The following PPP1R9A variants were observed in gnomAD, a reference collection of about 807,000 sequenced individuals.
PPP1R9A encodes neurabin-1.
A neutral mutation model predicts 141.9 loss-of-function variants in PPP1R9A; 59 were observed. The observed-to-expected ratio is 0.42, with a 90% CI of 0.34 to 0.52. The LOEUF (loss-of-function observed/expected upper bound fraction) is 0.52. Among genes scored for constraint, PPP1R9A ranks in the 20% least tolerant of loss-of-function variants. PPP1R9A has a pLI of 0.10. For synonymous variants in PPP1R9A, 500 were observed against 569.7 expected (o/e 0.88, Z 1.74); for missense variants, 1,444 against 1,611.9 (o/e 0.90, Z 1.78).
chr7:95,163,983 C>T (rs1050665593), intron 5 of PPP1R9A, among the ~76,000 whole-genome samples: 3 of 152,172 alleles, frequency 2.0e-5, no homozygotes, highest in Admixed American at 6.5e-5. Flanking sequence ...GGTAATCCAC[C>T]CACCTTAGCC....
chr7:95,153,236 T>G (rs984667556), intron 4 of PPP1R9A, among the ~76,000 whole-genome samples: 1 of 152,164 alleles, frequency 6.6e-6, no homozygotes, highest in Non-Finnish European at 1.5e-5. Context: ...CATCGTAACA[T>G]TTTAAGGTAA....
chr7:95,257,256 A>G (rs1275812597), intron 12 of PPP1R9A, among the ~76,000 whole-genome samples: 4 of 152,178 alleles, frequency 2.6e-5, no homozygotes, highest in Non-Finnish European at 5.9e-5. Flanking sequence ...CAAGTGGTCT[A>G]ATATGCAGAA....
At chr7:95,043,227 T>G (rs1483637405) in intron 2 of PPP1R9A, among the ~76,000 whole-genome samples, 1 of 152,216 alleles carries the variant, frequency 6.6e-6, no homozygotes. Context: ...GGTATGCCTA[T>G]GCTATGGGGT....
chr7:95,253,476 C>T (rs1799164209), intron 12 of PPP1R9A, among the ~76,000 whole-genome samples: 1 of 152,114 alleles, frequency 6.6e-6, no homozygotes, highest in Non-Finnish European at 1.5e-5. Flanking sequence ...GGGTTTATAT[C>T]CTTCTAATGG....
intron 6 of PPP1R9A, chr7:95,202,532 TTC>T: frequency 1.5e-5 from 11 of 755,992 alleles, no homozygotes; most frequent in Non-Finnish European, 1.8e-5. Flanking sequence ...TGTTTTTTTT[TTC>T]TTTCTTTCTC....
At chr7:95,063,475 G>GA (rs1325232509) in intron 2 of PPP1R9A, among the ~76,000 whole-genome samples, 1 of 152,106 alleles carries the variant, frequency 6.6e-6, no homozygotes, top group Non-Finnish European at 1.5e-5. Context: ...TGAGACAAGA[G>GA]AATCACTTGA....
chr7:95,193,844 C>T (rs771765094), intron 5 of PPP1R9A, among the ~76,000 whole-genome samples: 7 of 151,904 alleles, frequency 4.6e-5, no homozygotes, highest in South Asian at 4.2e-4. Context: ...TCTTTCTCCC[C>T]GAATTGTAGT....
chr7:95,031,151 A>G (rs749567545), intron 2 of PPP1R9A, among the ~76,000 whole-genome samples: 1 of 152,182 alleles, frequency 6.6e-6, no homozygotes, highest in African/African-American at 2.4e-5. Context: ...CTGGTTTTCA[A>G]TTTTGTCTTA....
intron 12 of PPP1R9A, among the ~76,000 whole-genome samples, chr7:95,268,016 T>A (rs573372102): frequency 6.6e-6 from 1 of 152,252 alleles, no homozygotes; most frequent in South Asian, 2.1e-4. Context: ...CAAGGTAGAT[T>A]TTCAGAAACT....
intron 2 of PPP1R9A, among the ~76,000 whole-genome samples, chr7:94,938,213 ACC>A (rs1442959764): frequency 2.6e-5 from 4 of 151,944 alleles, no homozygotes; most frequent in Middle Eastern, 3.4e-3. Flanking sequence ...AGGTGCATGA[ACC>A]CTATTGTGAA....
At chr7:95,251,919 C>A in intron 11 of PPP1R9A, 40 bp from the exon 12 acceptor site, 1 of 1,607,668 alleles carries the variant, frequency 6.2e-7, no homozygotes, top group Non-Finnish European at 8.5e-7. Context: ...TGGAGGGGAG[C>A]GCTAGTTTAG....
chr7:95,225,435 T>G (rs1795005698), intron 7 of PPP1R9A, among the ~76,000 whole-genome samples: 1 of 152,156 alleles, frequency 6.6e-6, no homozygotes, highest in Admixed American at 6.6e-5. Flanking sequence ...GTTTATTCTT[T>G]AGCTCACTAG....
At chr7:94,938,410 T>G (rs781002976) in intron 2 of PPP1R9A, among the ~76,000 whole-genome samples, 1 of 152,156 alleles carries the variant, frequency 6.6e-6, no homozygotes, top group Non-Finnish European at 1.5e-5. Flanking sequence ...CAATTACTGT[T>G]CAATTTTTTG....
chr7:94,936,353 G>A (rs1794760499), intron 2 of PPP1R9A, among the ~76,000 whole-genome samples: 1 of 152,088 alleles, frequency 6.6e-6, no homozygotes, highest in Non-Finnish European at 1.5e-5. Context: ...TCTTATTTCT[G>A]TTTTGCCCAG....
At chr7:95,146,929 A>G (rs191050259) in intron 4 of PPP1R9A, among the ~76,000 whole-genome samples, 1,908 of 152,258 alleles carry the variant, frequency 0.013, 23 homozygotes, top group Middle Eastern at 0.034. Flanking sequence ...GTCAGGTAAC[A>G]TGATGCCTTC....
chr7:95,225,762 G>C (rs1795057158), intron 7 of PPP1R9A, among the ~76,000 whole-genome samples, 199 bp from the exon 8 acceptor site: 1 of 152,120 alleles, frequency 6.6e-6, no homozygotes, highest in South Asian at 2.1e-4. Context: ...CTTGTATATG[G>C]CATAGGTTTG....
At chr7:95,146,283 C>T (rs564640699) in intron 4 of PPP1R9A, among the ~76,000 whole-genome samples, 2 of 152,302 alleles carry the variant, frequency 1.3e-5, no homozygotes, top group African/African-American at 2.4e-5. Flanking sequence ...AGTTTTTTGG[C>T]CACATAAATG....
At chr7:95,058,529 G>A (rs982887903) in intron 2 of PPP1R9A, among the ~76,000 whole-genome samples, 1 of 152,146 alleles carries the variant, frequency 6.6e-6, no homozygotes, top group African/African-American at 2.4e-5. Flanking sequence ...AAAGGAGAAA[G>A]GGTCTGAAAG....
chr7:95,184,760 G>A (rs985692503), intron 5 of PPP1R9A, among the ~76,000 whole-genome samples: 2 of 152,086 alleles, frequency 1.3e-5, no homozygotes, highest in Admixed American at 6.6e-5. Context: ...GAATAATGGT[G>A]TCCAACTCCA....
Sources: gnomAD v4.1 joint callset for allele counts (sites outside exome capture counted in the v4.1 genomes callset) on GRCh38, gnomAD v4.1.1 for gene constraint, MANE v1.5 for transcripts, NCBI Gene and HGNC (gene_info 2026-07-23, HGNC 2026-07-21) for gene names.